Variants in ZDHHC14 observed in about 807,000 individuals in gnomAD.
The protein encoded by ZDHHC14 is zDHHC palmitoyltransferase 14.
A neutral mutation model predicts 47.7 loss-of-function variants in ZDHHC14; 16 were observed. That is an observed-to-expected ratio of 0.34 (90% CI 0.23 to 0.51). The LOEUF is 0.51. Ranked by LOEUF, ZDHHC14 falls within the 20% of genes least tolerant of loss-of-function variation. ZDHHC14 has a pLI of 0.97. For synonymous variants in ZDHHC14, 293 were observed against 278.9 expected (o/e 1.05, Z -0.50); for missense variants, 515 against 662.5 (o/e 0.78, Z 2.44).
At chr6:157,396,585 C>T (rs1777527182) in intron 1 of ZDHHC14, among the ~76,000 whole-genome samples, 1 of 152,188 alleles carries the variant, frequency 6.6e-6, no homozygotes, top group African/African-American at 2.4e-5. Flanking sequence ...AGATTGAAAC[C>T]TATGCAAGTT....
At chr6:157,460,988 G>A (rs144612885) in intron 1 of ZDHHC14, among the ~76,000 whole-genome samples, 49 of 152,214 alleles carry the variant, frequency 3.2e-4, no homozygotes, top group Non-Finnish European at 5.9e-4. Context: ...GCATGTGCTC[G>A]AGAAGGCTTC....
rs370978972 is a variant in ZDHHC14 at position 157,465,945 on chromosome 6, G to A, written c.246-76640G>A. Among the ~76,000 whole-genome samples the A allele has an allele frequency of 3.9e-5, 6 of 152,194 alleles. No individual in the cohort carries two copies. In the East Asian group the frequency reaches 9.7e-4, roughly 25 times the overall value. On this transcript the variant is annotated intron_variant, in intron 1 of 8. Coordinates refer to ENST00000359775, the MANE Select transcript of ZDHHC14 (RefSeq NM_024630.3). ...TAATCCCAGCTACTCGGGAGGCGGA[G>A]ACACGAAAATCACTTGAACCCGGGA...
At chr6:157,499,251 TA>T (rs556830902) in intron 1 of ZDHHC14, among the ~76,000 whole-genome samples, 145 of 152,198 alleles carry the variant, frequency 9.5e-4, no homozygotes, top group African/African-American at 3.4e-3. Flanking sequence ...TTGGGTAGCT[TA>T]AAAACAGACT....
intron 1 of ZDHHC14, among the ~76,000 whole-genome samples, chr6:157,383,367 A>T (rs895323694): frequency 1.3e-5 from 2 of 151,982 alleles, no homozygotes; most frequent in African/African-American, 2.4e-5. Context: ...TGGGCTTGAT[A>T]CTCCTTCAGT....
chr6:157,428,891 C>T (rs980041096), intron 1 of ZDHHC14, among the ~76,000 whole-genome samples: 1 of 152,162 alleles, frequency 6.6e-6, no homozygotes, highest in East Asian at 1.9e-4. Flanking sequence ...TGATTTCACT[C>T]GAGTGACATT....
chr6:157,545,326 C>G (rs185868156), intron 2 of ZDHHC14, among the ~76,000 whole-genome samples: 1 of 152,130 alleles, frequency 6.6e-6, no homozygotes. Flanking sequence ...GAATTGCACA[C>G]TTTCTATGGT....
chr6:157,484,289 ATG>A (rs534904454), intron 1 of ZDHHC14, among the ~76,000 whole-genome samples: 3 of 96,206 alleles, frequency 3.1e-5, no homozygotes, highest in African/African-American at 1.0e-4. Flanking sequence ...GTATATATAT[ATG>A]TGTATATATA....
At chr6:157,492,158 CT>C (rs892034798) in intron 1 of ZDHHC14, among the ~76,000 whole-genome samples, 1 of 151,768 alleles carries the variant, frequency 6.6e-6, no homozygotes, top group Non-Finnish European at 1.5e-5. Flanking sequence ...TTTCCCTTGG[CT>C]TCTCTGCCAC....
intron 1 of ZDHHC14, among the ~76,000 whole-genome samples, chr6:157,471,334 A>T (rs1483835832): frequency 6.6e-6 from 1 of 152,160 alleles, no homozygotes; most frequent in African/African-American, 2.4e-5. Flanking sequence ...CTCAGCTTTG[A>T]CTACGGTGGG....
At chr6:157,561,909 T>A (rs1323981384) in intron 2 of ZDHHC14, among the ~76,000 whole-genome samples, 1 of 152,188 alleles carries the variant, frequency 6.6e-6, no homozygotes, top group Admixed American at 6.5e-5. Flanking sequence ...GCCACTGTGC[T>A]GGGCCCTGAA....
intron 1 of ZDHHC14, among the ~76,000 whole-genome samples, chr6:157,538,821 G>A (rs1781637289): frequency 6.6e-6 from 1 of 152,342 alleles, no homozygotes; most frequent in Non-Finnish European, 1.5e-5. Flanking sequence ...AATGGGAGGT[G>A]CGGGTGTTCC....
At chr6:157,530,821 C>G (rs529221266) in intron 1 of ZDHHC14, among the ~76,000 whole-genome samples, 8 of 152,234 alleles carry the variant, frequency 5.3e-5, no homozygotes, top group African/African-American at 1.9e-4. Flanking sequence ...GTGTCTCTGT[C>G]TGAACGACTG....
intron 1 of ZDHHC14, among the ~76,000 whole-genome samples, chr6:157,476,389 A>C (rs1022257147): frequency 6.6e-6 from 1 of 152,228 alleles, no homozygotes; most frequent in African/African-American, 2.4e-5. Context: ...ACCAATAATG[A>C]GTAAAAACAT....
intron 1 of ZDHHC14, among the ~76,000 whole-genome samples, chr6:157,442,078 G>A (rs1778571382): frequency 6.6e-6 from 1 of 152,112 alleles, no homozygotes. Context: ...TGAAGAAATA[G>A]ATTACATTCA....
chr6:157,510,141 G>C (rs1780426208), intron 1 of ZDHHC14, among the ~76,000 whole-genome samples: 1 of 152,192 alleles, frequency 6.6e-6, no homozygotes, highest in South Asian at 2.1e-4. Context: ...CTACTCAGGA[G>C]GCTGAGGCAG....
chr6:157,410,308 A>T (rs1156339143), intron 1 of ZDHHC14, among the ~76,000 whole-genome samples: 1 of 152,194 alleles, frequency 6.6e-6, no homozygotes, highest in African/African-American at 2.4e-5. Context: ...CTTCCACGGA[A>T]AGTGGAAAAA....
intron 1 of ZDHHC14, among the ~76,000 whole-genome samples, chr6:157,400,761 A>G (rs145091970): frequency 0.012 from 1,771 of 152,314 alleles, 15 homozygotes; most frequent in Non-Finnish European, 0.016. Context: ...TGCAAATAGC[A>G]GACGCCTTCC....
chr6:157,446,229 G>A (rs918449869), intron 1 of ZDHHC14, among the ~76,000 whole-genome samples: 2 of 151,676 alleles, frequency 1.3e-5, no homozygotes, highest in Non-Finnish European at 2.9e-5. Flanking sequence ...CAAATCCATC[G>A]CCCATTGCTC....
chr6:157,557,603 T>A (rs1782529112), intron 2 of ZDHHC14, among the ~76,000 whole-genome samples: 1 of 152,304 alleles, frequency 6.6e-6, no homozygotes, highest in African/African-American at 2.4e-5. Context: ...ACTTTGGTTG[T>A]CCTTATTTGC....
Sources: allele counts gnomAD v4.1 joint callset (sites outside exome capture counted in the v4.1 genomes callset), GRCh38; gene constraint gnomAD v4.1.1; transcripts MANE v1.5; gene names NCBI Gene and HGNC (gene_info 2026-07-23, HGNC 2026-07-21).